Variants in SGCG observed in about 807,000 individuals in gnomAD.
The protein encoded by SGCG is gamma-sarcoglycan.
A neutral mutation model predicts 29.3 loss-of-function variants in SGCG; 26 were observed. The ratio of observed to expected loss-of-function variants is 0.89; its 90% CI spans 0.65 to 1.23. SGCG has a LOEUF of 1.23. Among genes scored for constraint, SGCG ranks in the 50% most tolerant of loss-of-function variants. The pLI is 0.00. For missense variants in SGCG, 353 were observed against 356.0 expected (o/e 0.99, Z 0.07); for synonymous variants, 145 against 129.7 (o/e 1.12, Z -0.80).
chr13:23,246,080 TCAG>T (rs201642426), intron 3 of SGCG: 9 of 152,378 alleles, frequency 5.9e-5, no homozygotes, highest in Non-Finnish European at 7.1e-5. Context: ...AAGAGCAGCT[TCAG>T]CAGCAGCAGC....
chr13:23,237,238 C>A (rs73168674), intron 3 of SGCG, among the ~76,000 whole-genome samples: 15,587 of 152,254 alleles, frequency 0.1, 998 homozygotes, highest in Middle Eastern at 0.14. Context: ...ACCCATCCAC[C>A]ATGCCCATTA....
At chr13:23,167,482 T>C in the SGCG span, among the ~76,000 whole-genome samples, 2 of 152,200 alleles carry the variant, frequency 1.3e-5, no homozygotes, top group Non-Finnish European at 2.9e-5. Context: ...TCCAAACTGT[T>C]GTCCATAGTG....
intron 2 of SGCG, among the ~76,000 whole-genome samples, chr13:23,231,730 G>A (rs954117000): frequency 6.6e-6 from 1 of 152,150 alleles, no homozygotes; most frequent in Non-Finnish European, 1.5e-5. Context: ...ATGCCTGGCT[G>A]GATCCCATGA....
chr13:23,314,456 G>GTA (rs1555247286), intron 6 of SGCG, among the ~76,000 whole-genome samples: 8 of 118,928 alleles, frequency 6.7e-5, no homozygotes, highest in African/African-American at 1.6e-4. Flanking sequence ...ATATATAAAG[G>GTA]TATATATATA....
chr13:23,185,254 C>T (rs1265416205), intron 1 of SGCG, among the ~76,000 whole-genome samples: 3 of 152,152 alleles, frequency 2.0e-5, no homozygotes, highest in East Asian at 1.9e-4. Flanking sequence ...TGCAATGGTG[C>T]GATCTTGGCT....
intron 4 of SGCG, among the ~76,000 whole-genome samples, chr13:23,276,427 TTTTC>T: frequency 2.9e-5 from 3 of 103,940 alleles, no homozygotes; most frequent in Non-Finnish European, 6.5e-5. Flanking sequence ...TCTTTTTTAG[TTTTC>T]TTTTTTTTTT....
chr13:23,281,767 A>C (rs1021412967), intron 5 of SGCG, among the ~76,000 whole-genome samples: 1 of 152,136 alleles, frequency 6.6e-6, no homozygotes, highest in African/African-American at 2.4e-5. Flanking sequence ...CTCCTATGAG[A>C]ATCTAATGCC....
chr13:23,265,877 C>T (rs997987293), intron 4 of SGCG, among the ~76,000 whole-genome samples: 1 of 152,134 alleles, frequency 6.6e-6, no homozygotes, highest in Admixed American at 6.5e-5. Context: ...TCTCAAAGAA[C>T]TAAAAGTAGA....
chr13:23,213,882 C>G (rs755081928), intron 2 of SGCG, among the ~76,000 whole-genome samples: 1 of 152,164 alleles, frequency 6.6e-6, no homozygotes, highest in Non-Finnish European at 1.5e-5. Flanking sequence ...TGGTTTTGCT[C>G]TGCTCCCTGG....
At chr13:23,191,576 A>AT (rs34008986) in intron 1 of SGCG, among the ~76,000 whole-genome samples, 53,101 of 152,038 alleles carry the variant, frequency 0.35, 10,010 homozygotes, top group East Asian at 0.58. Flanking sequence ...GAAGCCCGCC[A>AT]TTTGAGTTGA....
At chr13:23,203,665 C>T (rs576903751) in intron 1 of SGCG, 30 bp from the exon 2 acceptor site, 8 of 1,568,024 alleles carry the variant, frequency 5.1e-6, no homozygotes, top group Non-Finnish European at 7.0e-6. Flanking sequence ...GTCTCTTTCT[C>T]TCTCCTCTCG....
At chr13:23,266,593 A>T (rs1287479534) in intron 4 of SGCG, among the ~76,000 whole-genome samples, 2 of 152,154 alleles carry the variant, frequency 1.3e-5, no homozygotes, top group Non-Finnish European at 2.9e-5. Flanking sequence ...AAAACTACCT[A>T]TTGGGTACTA....
intron 6 of SGCG, among the ~76,000 whole-genome samples, chr13:23,314,382 T>TTTTATTTATATATATATATA (rs1240016735): frequency 1.3e-5 from 1 of 78,624 alleles, no homozygotes; most frequent in Non-Finnish European, 2.3e-5. Context: ...CTGCTATAGG[T>TTTTATTTATATATATATATA]TATATATATA....
chr13:23,306,364 C>T (rs935575061), intron 6 of SGCG, among the ~76,000 whole-genome samples: 1 of 152,038 alleles, frequency 6.6e-6, no homozygotes, highest in Non-Finnish European at 1.5e-5. Flanking sequence ...TAGTGTATTT[C>T]TTCTTTTATG....
chr13:23,309,031 A>G (rs773689632), intron 6 of SGCG, among the ~76,000 whole-genome samples: 3 of 151,972 alleles, frequency 2.0e-5, no homozygotes, highest in Non-Finnish European at 4.4e-5. Flanking sequence ...GTCCTTTAAT[A>G]TTTTATGATA....
At chr13:23,320,374 A>C (rs1882986965) in intron 6 of SGCG, among the ~76,000 whole-genome samples, 1 of 152,244 alleles carries the variant, frequency 6.6e-6, no homozygotes, top group African/African-American at 2.4e-5. Context: ...AAACTGCTGC[A>C]TGGGATTAGG....
intron 6 of SGCG, among the ~76,000 whole-genome samples, chr13:23,319,829 G>T (rs1882966299): frequency 1.3e-5 from 2 of 152,162 alleles, no homozygotes; most frequent in Non-Finnish European, 1.5e-5. Context: ...GTGCCATCTG[G>T]TGGAAATACA....
intron 2 of SGCG, among the ~76,000 whole-genome samples, chr13:23,231,844 C>T (rs1879125931): frequency 6.6e-6 from 1 of 152,162 alleles, no homozygotes; most frequent in Non-Finnish European, 1.5e-5. Context: ...GAAGGCCAGG[C>T]ACGGTGGCTC....
chr13:23,191,512 A>G (rs1284419021), intron 1 of SGCG, among the ~76,000 whole-genome samples: 1 of 152,154 alleles, frequency 6.6e-6, no homozygotes, highest in Non-Finnish European at 1.5e-5. Flanking sequence ...TATTCCACCA[A>G]ATGTTGGGAT....
Sources: gnomAD v4.1 joint callset for allele counts (sites outside exome capture counted in the v4.1 genomes callset) on GRCh38, gnomAD v4.1.1 for gene constraint, MANE v1.5 for transcripts, NCBI Gene and HGNC (gene_info 2026-07-23, HGNC 2026-07-21) for gene names.